The following LINGO1 variants were observed in gnomAD, a reference collection of about 807,000 sequenced individuals.
LINGO1 encodes leucine rich repeat and Ig domain containing 1.
LINGO1 carries 11 observed loss-of-function variants against 37.3 expected under a neutral mutation model. That is an observed-to-expected ratio of 0.29 (90% CI 0.19 to 0.49). The LOEUF (loss-of-function observed/expected upper bound fraction) is 0.49. Ranked by LOEUF, LINGO1 falls within the 20% of genes least tolerant of loss-of-function variation. The pLI, the probability that LINGO1 is intolerant of heterozygous loss-of-function variation, is 0.99. For missense variants in LINGO1, 585 were observed against 878.2 expected, an observed-to-expected ratio of 0.67 and a Z score of 4.22; for synonymous variants, 387 against 403.0, an observed-to-expected ratio of 0.96 and a Z score of 0.48.
intron 2 of LINGO1, among the ~76,000 whole-genome samples, chr15:77,687,057 A>G (rs1313397640): frequency 6.6e-6 from 1 of 152,026 alleles, no homozygotes; most frequent in Non-Finnish European, 1.5e-5. Context: ...TATCCACGAC[A>G]ATGCTGAGCT....
intron 1 of LINGO1, among the ~76,000 whole-genome samples, chr15:77,753,349 G>A (rs1470841660): frequency 6.6e-6 from 1 of 152,192 alleles, no homozygotes; most frequent in Non-Finnish European, 1.5e-5. Context: ...CATTCTCCTG[G>A]CTTTGGTGTC....
chr15:77,647,804 C>T (rs1474302171), intron 3 of LINGO1: 2 of 454,696 alleles, frequency 4.4e-6, no homozygotes, highest in Non-Finnish European at 8.8e-6. Context: ...TTGTCTCTCT[C>T]TCATTGTTCC....
chr15:77,774,196 G>A (rs370871654), intron 1 of LINGO1, among the ~76,000 whole-genome samples: 1 of 152,036 alleles, frequency 6.6e-6, no homozygotes, highest in Non-Finnish European at 1.5e-5. Context: ...GAGTGTGCAC[G>A]GAGGAAGTTA....
chr15:77,633,537 G>C (rs1479694732), upstream of LINGO1, among the ~76,000 whole-genome samples: 1 of 152,200 alleles, frequency 6.6e-6, no homozygotes, highest in Non-Finnish European at 1.5e-5. Context: ...TCCAGGGGAC[G>C]GCGAGGAAGC....
Position 77,614,917 on chromosome 15 carries a change from G to A in LINGO1, c.990C>T (p.Ala330=). The change falls in exon 2 of 2, where the codon GCC becomes GCT. Residue 330 remains alanine, a synonymous_variant. Coordinates refer to ENST00000355300, the MANE Select transcript of LINGO1 (RefSeq NM_032808.7). ...CGCGCAGGTAGTTGAGGCCGCGGAAGGCATAGGGCTCCACCACGGCCAGCT... is the reference window on the plus strand; with the variant it reads ...CGCGCAGGTAGTTGAGGCCGCGGAAAGCATAGGGCTCCACCACGGCCAGCT... ...GGQLAVVEPY[A]FRGLNYLRVL... 6.2e-7 allele frequency: 1 copy of A among 1,613,996 alleles called. No individual in the cohort carries two copies. The highest frequency in any genetic ancestry group is 8.5e-7 in the Non-Finnish European group (1 of 1,179,896).
chr15:77,693,076 G>GCA (rs368491086), intron 1 of LINGO1, among the ~76,000 whole-genome samples: 4 of 151,896 alleles, frequency 2.6e-5, no homozygotes, highest in East Asian at 1.9e-4. Flanking sequence ...GTGCACGCGT[G>GCA]CACACACACA....
intron 1 of LINGO1, among the ~76,000 whole-genome samples, chr15:77,779,565 T>A (rs4886910): frequency 1 from 152,224 of 152,224 alleles, 76,112 homozygotes; most frequent in Non-Finnish European, 1. Context: ...AGGAGAGTGC[T>A]ACCTAGATCC....
At position 77,714,785 on chromosome 15, in the gene LINGO1, C is replaced by T. The variant is rs1051373448; in HGVS notation, c.-195+20207G>A. Among the ~76,000 whole-genome samples the T allele has an allele frequency of 5.3e-5, 8 of 152,350 alleles. No individual in the cohort carries two copies. The South Asian group carries it at 6.2e-4, about 12-fold the overall frequency. ...GCTTGCCTGGGCACGGGGGAGGGTG[C>T]GCACGTCTCTACGCGCCCACACACT... On this transcript the variant is annotated intron_variant, in intron 2 of 3. Coordinates refer to the LINGO1 transcript ENST00000561686.
At chr15:77,723,197 G>C (rs1257860726) in intron 2 of LINGO1, among the ~76,000 whole-genome samples, 1 of 128,410 alleles carries the variant, frequency 7.8e-6, no homozygotes, top group East Asian at 2.7e-4. Context: ...TGAGGATCAA[G>C]ACAGCCACAG....
chr15:77,740,064 C>T (rs2076247328), intron 1 of LINGO1, among the ~76,000 whole-genome samples: 2 of 152,260 alleles, frequency 1.3e-5, no homozygotes, highest in African/African-American at 4.8e-5. Context: ...AGCCTGGTGG[C>T]AGAGGCAGTC....
intron 1 of LINGO1, among the ~76,000 whole-genome samples, chr15:77,815,012 G>C (rs2077036253): frequency 6.6e-6 from 1 of 152,220 alleles, no homozygotes; most frequent in African/African-American, 2.4e-5. Flanking sequence ...CGGCTGCCCT[G>C]GCAGATGGGT....
intron 1 of LINGO1, among the ~76,000 whole-genome samples, chr15:77,813,366 C>T (rs8026203): frequency 0.49 from 75,111 of 151,930 alleles, 20,430 homozygotes; most frequent in Non-Finnish European, 0.62. Context: ...TTGGCTGGAG[C>T]CTGGGGACAC....
chr15:77,644,623 C>G (rs1392130690), intron 3 of LINGO1, among the ~76,000 whole-genome samples: 8 of 152,216 alleles, frequency 5.3e-5, no homozygotes, highest in Admixed American at 5.2e-4. Flanking sequence ...CAGAGCAGAG[C>G]TAAGCCCAGG....
At chr15:77,816,359 G>A (rs964563860) in intron 1 of LINGO1, among the ~76,000 whole-genome samples, 2 of 152,172 alleles carry the variant, frequency 1.3e-5, no homozygotes, top group Non-Finnish European at 2.9e-5. Flanking sequence ...ACAGGGGTCT[G>A]GGCCCCAGAA....
At chr15:77,694,437 C>T (rs1249918161) in intron 1 of LINGO1, among the ~76,000 whole-genome samples, 2 of 152,074 alleles carry the variant, frequency 1.3e-5, no homozygotes, top group African/African-American at 4.8e-5. Context: ...GGCCTCACAC[C>T]TAGGGACCTT....
rs528109351 is a variant in LINGO1 at position 77,663,748 on chromosome 15, C to T, written c.-13+13341G>A. 9.2e-5 allele frequency among the ~76,000 whole-genome samples: 14 copies of T among 152,338 alleles called. No homozygotes were observed. The South Asian group carries it at 1.0e-3, about 11-fold the overall frequency. ...GGGCCTCCCCTACCACTCTGCCGCTCATATCCCAAGTCCCAGGGGCTGAAG... is the reference window on the plus strand; with the variant it reads ...GGGCCTCCCCTACCACTCTGCCGCTTATATCCCAAGTCCCAGGGGCTGAAG... On this transcript the variant is annotated intron_variant, in intron 3 of 3. Transcript: ENST00000559893.
Position 77,660,452 on chromosome 15 carries a change from G to C in LINGO1, c.-13+16637C>G, listed in dbSNP as rs992537220. Among the ~76,000 whole-genome samples the C allele has an allele frequency of 7.9e-5, 12 of 152,170 alleles. No homozygotes were observed. The East Asian group carries it at 2.3e-3, about 29-fold the overall frequency. ...TCTCATGGGAGAATGGTGAGCCCTGGGGGGAGAGCAGAGTCTCCCTTGCTC... is the reference window on the plus strand; with the variant it reads ...TCTCATGGGAGAATGGTGAGCCCTGCGGGGAGAGCAGAGTCTCCCTTGCTC... On this transcript the variant is annotated intron_variant, in intron 3 of 3. Coordinates refer to the LINGO1 transcript ENST00000559893.
At chr15:77,623,905 CTG>C (rs1289620867) in intron 1 of LINGO1, among the ~76,000 whole-genome samples, 1 of 125,146 alleles carries the variant, frequency 8.0e-6, no homozygotes, top group African/African-American at 3.3e-5. Flanking sequence ...TGTGTGGTCT[CTG>C]TGTGTGACTG....
chr15:77,714,558 T>C, intron 2 of LINGO1, among the ~76,000 whole-genome samples: 1 of 152,176 alleles, frequency 6.6e-6, no homozygotes, highest in South Asian at 2.1e-4. Flanking sequence ...GAGGGCCCCG[T>C]TGCCCAGTCT....
Sources: allele counts gnomAD v4.1 joint callset (sites outside exome capture counted in the v4.1 genomes callset), GRCh38; gene constraint gnomAD v4.1.1; transcripts MANE v1.5; gene names NCBI Gene and HGNC (gene_info 2026-07-23, HGNC 2026-07-21).